The following KLHL29 variants were observed in gnomAD, a reference collection of about 807,000 sequenced individuals.
KLHL29 encodes the protein kelch-like protein 29.
KLHL29 carries 21 observed loss-of-function variants against 80.4 expected under a neutral mutation model. The ratio of observed to expected loss-of-function variants is 0.26; its 90% CI spans 0.19 to 0.38. KLHL29 has a LOEUF of 0.38. KLHL29 is among the 10% of genes least tolerant of loss of function. The pLI is 1.00. For synonymous variants in KLHL29, 511 were observed against 526.8 expected, an observed-to-expected ratio of 0.97 and a Z score of 0.41; for missense variants, 867 against 1,223.9, an observed-to-expected ratio of 0.71 and a Z score of 4.35.
At chr2:23,427,987 C>T (rs1312952018) in intron 1 of KLHL29, among the ~76,000 whole-genome samples, 2 of 152,192 alleles carry the variant, frequency 1.3e-5, no homozygotes, top group Non-Finnish European at 1.5e-5. Context: ...AACAAGCGTG[C>T]CAGAGTCTGT....
intron 2 of KLHL29, among the ~76,000 whole-genome samples, chr2:23,490,256 A>G (rs920232613): frequency 3.9e-5 from 6 of 152,166 alleles, no homozygotes; most frequent in African/African-American, 1.2e-4. Flanking sequence ...ATTGAAGCCA[A>G]TTCCTGGAAG....
At chr2:23,453,552 C>G (rs1438455749) in intron 1 of KLHL29, among the ~76,000 whole-genome samples, 1 of 152,180 alleles carries the variant, frequency 6.6e-6, no homozygotes, top group Admixed American at 6.5e-5. Context: ...GACCTTTCCC[C>G]TGGAGCCGGA....
At chr2:23,645,431 C>T (rs564057980) in intron 5 of KLHL29, among the ~76,000 whole-genome samples, 65 of 152,074 alleles carry the variant, frequency 4.3e-4, no homozygotes, top group Non-Finnish European at 6.6e-4. Context: ...TGCGTGATGG[C>T]GTCAACACAA....
chr2:23,689,725 G>A lies in KLHL29; in HGVS notation c.1080-1949G>A, dbSNP rs1411169369. ...CAGAGGAGAGGCTGGACAGCGGCTTGTAGGAATGAAGTCCCAGGCAGCAAA... is the reference window on the plus strand; with the variant it reads ...CAGAGGAGAGGCTGGACAGCGGCTTATAGGAATGAAGTCCCAGGCAGCAAA... On this transcript the variant is annotated intron_variant, in intron 6 of 13. Transcript: ENST00000486442. 4 of 152,382 alleles carry A rather than the reference G, an allele frequency of 2.6e-5. No individual in the cohort carries two copies. The East Asian group carries it at 7.7e-4, about 29-fold the overall frequency. The allele number at this position is 152,382 out of a possible 1,614,324, so 9.4% of individuals were successfully genotyped here. A position where few individuals can be genotyped will look rare whatever the true frequency, so the allele number is the denominator to read the frequency against.
chr2:23,636,593 T>TATATTCATA, intron 3 of KLHL29, among the ~76,000 whole-genome samples: 1 of 152,144 alleles, frequency 6.6e-6, no homozygotes, highest in African/African-American at 2.4e-5. Context: ...TGTTCATATA[T>TATATTCATA]TGAGTCCTCC....
At chr2:23,516,721 G>A (rs559261244) in intron 2 of KLHL29, among the ~76,000 whole-genome samples, 69 of 152,312 alleles carry the variant, frequency 4.5e-4, no homozygotes, top group African/African-American at 1.6e-3. Context: ...GTGGACCCTC[G>A]AGCCGGTTGG....
chr2:23,579,992 C>G (rs1245556310), intron 3 of KLHL29, among the ~76,000 whole-genome samples: 3 of 152,226 alleles, frequency 2.0e-5, no homozygotes, highest in Admixed American at 1.3e-4. Context: ...CACTGGTAAG[C>G]TGCTTAACCA....
intron 3 of KLHL29, among the ~76,000 whole-genome samples, chr2:23,633,754 CTCG>C (rs1669530526): frequency 3.4e-5 from 1 of 29,340 alleles, no homozygotes; most frequent in Non-Finnish European, 5.5e-5. Flanking sequence ...AGTCACAGCA[CTCG>C]TGTGTGTGTG....
chr2:23,578,928 A>T (rs1667912493), intron 3 of KLHL29, among the ~76,000 whole-genome samples: 1 of 152,214 alleles, frequency 6.6e-6, no homozygotes, highest in African/African-American at 2.4e-5. Flanking sequence ...AATTAAAGGA[A>T]TCCCAAAGTC....
intron 1 of KLHL29, among the ~76,000 whole-genome samples, chr2:23,445,116 AAAGTTGCAGTTTC>A (rs1166765504): frequency 6.6e-6 from 1 of 152,176 alleles, no homozygotes; most frequent in Non-Finnish European, 1.5e-5. Context: ...CATTTCACTT[AAAGTTGCAGTTTC>A]CAAGAACCTT....
chr2:23,459,953 A>G (rs1664165550), intron 1 of KLHL29, among the ~76,000 whole-genome samples: 1 of 152,204 alleles, frequency 6.6e-6, no homozygotes, highest in East Asian at 1.9e-4. Flanking sequence ...AAGTTTCACC[A>G]TGAAGCAGAG....
chr2:23,699,060 G>T (rs1672188740), intron 11 of KLHL29, among the ~76,000 whole-genome samples: 1 of 152,222 alleles, frequency 6.6e-6, no homozygotes, highest in Non-Finnish European at 1.5e-5. Flanking sequence ...CATATCATTT[G>T]TCTGGGGCTT....
Position 23,708,226 on chromosome 2 carries a change from T to C in KLHL29, c.*1562T>C, listed in dbSNP as rs559102690. The C allele has an allele frequency of 1.3e-5, 2 of 152,344 alleles. No homozygotes were observed. Among genetic ancestry groups the C allele is most frequent in the South Asian group, 4.1e-4 (2 of 4,824 alleles). 9.4% of individuals were successfully genotyped at this position (152,344 alleles called of 1,614,324 possible). A position where few individuals can be genotyped will look rare whatever the true frequency, so the allele number is the denominator to read the frequency against. ...TCCCACTTGGACAAGATACCGAGCT[T>C]CGTTATGCAGTTTTTAATATTATTT... On this transcript the variant is annotated 3_prime_UTR_variant, in exon 14 of 14. Transcript: ENST00000486442.
In KLHL29 at chr2:23,700,438, C is replaced by T. The variant is rs1003395988; in HGVS notation, c.2106-2748C>T. Reference sequence around the variant, plus strand: ...GCCTTGAGGTTATATATGCCTATTGCGCCTCTCCAGGGAGGAGATTCCAGA... The same window carrying T: ...GCCTTGAGGTTATATATGCCTATTGTGCCTCTCCAGGGAGGAGATTCCAGA... On this transcript the variant is annotated intron_variant, in intron 11 of 13. Transcript: ENST00000486442. The surrounding 1 kb of genome is among the most constrained non-coding windows in gnomAD (Gnocchi z 4.6). Among the ~76,000 whole-genome samples the T allele has an allele frequency of 2.0e-5, 3 of 152,132 alleles. No individual in the cohort carries two copies. The highest frequency in any genetic ancestry group is 1.9e-4 in the East Asian group (1 of 5,200).
chr2:23,654,179 T>A (rs531284046), intron 5 of KLHL29, among the ~76,000 whole-genome samples: 50 of 146,358 alleles, frequency 3.4e-4, no homozygotes, highest in African/African-American at 6.0e-4. Context: ...AAAATAAATT[T>A]AAAAAAAAAA....
chr2:23,435,139 A>G (rs1434382402), intron 1 of KLHL29, among the ~76,000 whole-genome samples: 1 of 152,176 alleles, frequency 6.6e-6, no homozygotes, highest in African/African-American at 2.4e-5. Context: ...AAAAGTGGCA[A>G]CATTGGAGTG....
At chr2:23,557,436 G>A (rs939136721) in intron 2 of KLHL29, among the ~76,000 whole-genome samples, 74 of 152,246 alleles carry the variant, frequency 4.9e-4, no homozygotes, top group African/African-American at 1.6e-3. Flanking sequence ...TTGAGTACAC[G>A]TAATGAGGCT....
intron 2 of KLHL29, among the ~76,000 whole-genome samples, chr2:23,552,778 T>TTTTTTTTTTTTTTA (rs1667162986): frequency 1.4e-5 from 2 of 147,998 alleles, no homozygotes; most frequent in Non-Finnish European, 1.5e-5. Context: ...TTTTTTTTTT[T>TTTTTTTTTTTTTTA]GAGATGGCGT....
chr2:23,494,732 C>T (rs1665206877), intron 2 of KLHL29, among the ~76,000 whole-genome samples: 1 of 151,328 alleles, frequency 6.6e-6, no homozygotes, highest in African/African-American at 2.4e-5. Context: ...AAGACCCCCT[C>T]GGCTTCCATC....
Sources: gnomAD v4.1 joint callset for allele counts (sites outside exome capture counted in the v4.1 genomes callset) on GRCh38, gnomAD v4.1.1 for gene constraint, Gnocchi (gnomAD v3.1) non-coding constraint, MANE v1.5 for transcripts, NCBI Gene and HGNC (gene_info 2026-07-23, HGNC 2026-07-21) for gene names.